Variants in ESR1 observed in about 807,000 individuals in gnomAD.
ESR1 encodes the protein estrogen receptor.
A neutral mutation model predicts 52.7 loss-of-function variants in ESR1; 12 were observed. The ratio of observed to expected loss-of-function variants is 0.23; its 90% CI spans 0.15 to 0.37. The LOEUF (loss-of-function observed/expected upper bound fraction) is 0.37. Among genes scored for constraint, ESR1 ranks in the 10% least tolerant of loss-of-function variants. The pLI, the probability that ESR1 is intolerant of heterozygous loss-of-function variation, is 1.00. For synonymous variants in ESR1, 305 were observed against 316.8 expected (o/e 0.96, Z 0.39); for missense variants, 584 against 779.7 (o/e 0.75, Z 2.99).
chr6:151,847,205 C>G (rs1308681842), intron 2 of ESR1, among the ~76,000 whole-genome samples: 1 of 152,188 alleles, frequency 6.6e-6, no homozygotes, highest in Non-Finnish European at 1.5e-5. Context: ...ACAGGTATAA[C>G]TGAGAGCCTG....
chr6:151,735,903 A>C (rs1782616960), intron 2 of ESR1, among the ~76,000 whole-genome samples: 1 of 152,068 alleles, frequency 6.6e-6, no homozygotes, highest in Non-Finnish European at 1.5e-5. Flanking sequence ...AGTTATCATG[A>C]CGTCTGATGT....
intron 1 of ESR1, among the ~76,000 whole-genome samples, chr6:151,814,764 C>T (rs554978161): frequency 6.6e-6 from 1 of 152,274 alleles, no homozygotes; most frequent in South Asian, 2.1e-4. Flanking sequence ...AGGGCTTAGA[C>T]TATATAAAGT....
chr6:152,116,409 G>A (rs1027029292), intron 6 of ESR1, among the ~76,000 whole-genome samples: 23 of 152,236 alleles, frequency 1.5e-4, no homozygotes, highest in African/African-American at 4.3e-4. Flanking sequence ...GTGGGACATC[G>A]TTAAGTGAAA....
chr6:152,040,170 G>A (rs2045666834), intron 5 of ESR1, among the ~76,000 whole-genome samples: 1 of 152,182 alleles, frequency 6.6e-6, no homozygotes, highest in Admixed American at 6.5e-5. Context: ...TGTCTCTGCT[G>A]CTGGCAAATT....
chr6:151,840,368 T>A (rs1234994259), intron 1 of ESR1, among the ~76,000 whole-genome samples: 1 of 152,116 alleles, frequency 6.6e-6, no homozygotes, highest in African/African-American at 2.4e-5. Context: ...GAATATGAAC[T>A]AGAATTGAAA....
chr6:151,825,345 A>G (rs2128201526), intron 1 of ESR1, among the ~76,000 whole-genome samples: 1 of 152,322 alleles, frequency 6.6e-6, no homozygotes, highest in South Asian at 2.1e-4. Flanking sequence ...TAAAGAAATC[A>G]GAGCTATGGT....
At chr6:151,719,767 A>T (rs1432738815) in intron 2 of ESR1, among the ~76,000 whole-genome samples, 1 of 152,108 alleles carries the variant, frequency 6.6e-6, no homozygotes, top group Non-Finnish European at 1.5e-5. Flanking sequence ...TGTTTTATGA[A>T]TTTTTCTTCC....
chr6:151,850,544 A>C (rs1245133172), intron 2 of ESR1, among the ~76,000 whole-genome samples: 1 of 151,942 alleles, frequency 6.6e-6, no homozygotes, highest in African/African-American at 2.4e-5. Flanking sequence ...CTAATATAAT[A>C]ACATAATATT....
intron 5 of ESR1, among the ~76,000 whole-genome samples, chr6:152,034,766 G>T (rs1361645832): frequency 1.3e-5 from 2 of 152,170 alleles, no homozygotes; most frequent in Non-Finnish European, 2.9e-5. Flanking sequence ...AGACCCACAT[G>T]AATCATAGAT....
intron 5 of ESR1, among the ~76,000 whole-genome samples, chr6:152,056,977 C>T (rs6913408): frequency 0.1 from 15,473 of 152,132 alleles, 1,777 homozygotes; most frequent in African/African-American, 0.29. Flanking sequence ...TAGGAATCAC[C>T]CCATTTCTGA....
chr6:151,874,458 C>T (rs772079278), intron 2 of ESR1, among the ~76,000 whole-genome samples: 14 of 152,072 alleles, frequency 9.2e-5, no homozygotes, highest in Non-Finnish European at 1.6e-4. Context: ...CATTCAAGTA[C>T]GATTTCTGAC....
intron 3 of ESR1, among the ~76,000 whole-genome samples, chr6:151,903,052 C>T (rs1156775363): frequency 6.6e-6 from 1 of 152,162 alleles, no homozygotes; most frequent in Non-Finnish European, 1.5e-5. Flanking sequence ...CTCCCACTTT[C>T]CTAGCAAGCC....
intron 6 of ESR1, among the ~76,000 whole-genome samples, chr6:152,077,402 G>T (rs560179565): frequency 6.6e-6 from 1 of 152,336 alleles, no homozygotes; most frequent in East Asian, 1.9e-4. Flanking sequence ...CTCTGCTAGG[G>T]CAATGAGGAA....
At chr6:151,668,739 G>A (rs1346387516) in intron 1 of ESR1, among the ~76,000 whole-genome samples, 1 of 152,144 alleles carries the variant, frequency 6.6e-6, no homozygotes, top group African/African-American at 2.4e-5. Flanking sequence ...ATAGAAGTGG[G>A]ATAAGCCAGA....
intron 2 of ESR1, among the ~76,000 whole-genome samples, chr6:151,793,213 G>A (rs914766449): frequency 2.7e-5 from 4 of 150,258 alleles, no homozygotes; most frequent in Non-Finnish European, 4.4e-5. Context: ...AAAAATCAAA[G>A]TCACAGACAC....
chr6:152,109,648 T>G (rs562858634), intron 6 of ESR1, among the ~76,000 whole-genome samples: 10 of 152,298 alleles, frequency 6.6e-5, no homozygotes, highest in African/African-American at 2.4e-4. Context: ...ATTGTGCCAT[T>G]GCACTCCAGC....
intron 1 of ESR1, among the ~76,000 whole-genome samples, chr6:151,674,584 G>T (rs1029477448): frequency 6.6e-6 from 1 of 152,180 alleles, no homozygotes; most frequent in East Asian, 1.9e-4. Flanking sequence ...TCTGGTTCTA[G>T]ATCCTTGAGG....
At chr6:151,965,797 G>A (rs1307174196) in intron 4 of ESR1, among the ~76,000 whole-genome samples, 1 of 151,744 alleles carries the variant, frequency 6.6e-6, no homozygotes, top group Non-Finnish European at 1.5e-5. Flanking sequence ...TCCCCTTTTT[G>A]GCTAAATGAT....
intron 2 of ESR1, among the ~76,000 whole-genome samples, chr6:151,753,929 C>G (rs1343691863): frequency 1.3e-5 from 2 of 152,128 alleles, no homozygotes; most frequent in South Asian, 4.1e-4. Flanking sequence ...CAGCCTGCTA[C>G]TGCGGGAAGA....
Sources: gnomAD v4.1 joint callset for allele counts (sites outside exome capture counted in the v4.1 genomes callset) on GRCh38, gnomAD v4.1.1 for gene constraint, MANE v1.5 for transcripts, NCBI Gene and HGNC (gene_info 2026-07-23, HGNC 2026-07-21) for gene names.